Variants in HMGCLL1 observed in about 807,000 individuals in gnomAD.
The protein encoded by HMGCLL1 is 3-hydroxy-3-methylglutaryl-CoA lyase like 1.
A neutral mutation model predicts 39.1 loss-of-function variants in HMGCLL1; 36 were observed. The ratio of observed to expected loss-of-function variants is 0.92; its 90% CI spans 0.71 to 1.22. HMGCLL1 has a LOEUF of 1.22. Among genes scored for constraint, HMGCLL1 ranks in the 50% most tolerant of loss-of-function variants. The pLI, the probability that HMGCLL1 is intolerant of heterozygous loss-of-function variation, is 0.00. For synonymous variants in HMGCLL1, 149 were observed against 144.0 expected (o/e 1.03, Z -0.25); for missense variants, 451 against 416.5 (o/e 1.08, Z -0.72).
intron 1 of HMGCLL1, among the ~76,000 whole-genome samples, chr6:55,556,930 C>T (rs577474104): frequency 6.6e-6 from 1 of 152,148 alleles, no homozygotes; most frequent in Non-Finnish European, 1.5e-5. Context: ...AGTCAGAATA[C>T]TTACGAGAGG....
At chr6:55,665,331 T>G in the HMGCLL1 span, among the ~76,000 whole-genome samples, 1 of 151,762 alleles carries the variant, frequency 6.6e-6, no homozygotes, top group African/African-American at 2.4e-5. Flanking sequence ...CATGATTTTA[T>G]CCCAAATAAG....
At chr6:55,538,855 C>CAT (rs1554153661) in intron 3 of HMGCLL1, among the ~76,000 whole-genome samples, 3,833 of 151,434 alleles carry the variant, frequency 0.025, 146 homozygotes, top group African/African-American at 0.085. Flanking sequence ...CACACACACA[C>CAT]TATAAACAGC....
intron 3 of HMGCLL1, among the ~76,000 whole-genome samples, chr6:55,534,373 C>T (rs573944028): frequency 2.6e-5 from 4 of 152,222 alleles, no homozygotes; most frequent in Non-Finnish European, 4.4e-5. Flanking sequence ...CCTTTTGAAA[C>T]TCGGTGGGCT....
the HMGCLL1 span, among the ~76,000 whole-genome samples, chr6:55,597,858 G>A: frequency 2.6e-5 from 4 of 152,074 alleles, no homozygotes; most frequent in African/African-American, 9.7e-5. Flanking sequence ...AGCTTGGTAA[G>A]ACAAAGAAAT....
the HMGCLL1 span, among the ~76,000 whole-genome samples, chr6:55,604,178 T>G: frequency 6.6e-6 from 1 of 152,142 alleles, no homozygotes. Context: ...CCCTAGTGAA[T>G]GTTTTATCTA....
At chr6:55,545,978 G>A (rs2127461486) in intron 1 of HMGCLL1, among the ~76,000 whole-genome samples, 1 of 152,124 alleles carries the variant, frequency 6.6e-6, no homozygotes, top group Admixed American at 6.6e-5. Flanking sequence ...GCTGCACTTG[G>A]GGAACCTCAG....
At chr6:55,532,787 C>A (rs9382503) in intron 3 of HMGCLL1, among the ~76,000 whole-genome samples, 96,496 of 147,938 alleles carry the variant, frequency 0.65, 31,682 homozygotes, top group Admixed American at 0.71. Flanking sequence ...GGCAACAAAG[C>A]AAGACTCTGT....
At chr6:55,565,906 A>ATG (rs1771188000) in intron 1 of HMGCLL1, among the ~76,000 whole-genome samples, 1 of 150,290 alleles carries the variant, frequency 6.7e-6, no homozygotes, top group Non-Finnish European at 1.5e-5. Flanking sequence ...AGAGTTCTAA[A>ATG]TTACTCTCAG....
At chr6:55,673,737 C>A in the HMGCLL1 span, among the ~76,000 whole-genome samples, 1 of 151,848 alleles carries the variant, frequency 6.6e-6, no homozygotes, top group Non-Finnish European at 1.5e-5. Flanking sequence ...ATAATTGCAA[C>A]ACTAGTATTA....
intron 6 of HMGCLL1, 105 bp downstream of exon 6, chr6:55,499,131 C>T: frequency 2.4e-6 from 2 of 832,176 alleles, no homozygotes; most frequent in South Asian, 3.9e-5. Flanking sequence ...CCTCTTAATC[C>T]ATGGCTTCAT....
At chr6:55,459,881 C>A (rs1448648304) in intron 7 of HMGCLL1, among the ~76,000 whole-genome samples, 1 of 151,746 alleles carries the variant, frequency 6.6e-6, no homozygotes, top group East Asian at 1.9e-4. Context: ...GGCTATATAA[C>A]TCTGTATATG....
At chr6:55,539,145 T>A (rs1344803028) in intron 3 of HMGCLL1, among the ~76,000 whole-genome samples, 3 of 152,294 alleles carry the variant, frequency 2.0e-5, no homozygotes, top group Non-Finnish European at 4.4e-5. Context: ...ACAGTTAATT[T>A]AGCAGTAGCT....
the HMGCLL1 span, among the ~76,000 whole-genome samples, chr6:55,650,076 TACACACAC>T: frequency 5.9e-4 from 57 of 97,008 alleles, 1 homozygote; most frequent in African/African-American, 1.2e-3. Flanking sequence ...TATATATATA[TACACACAC>T]ATATACATAT....
intron 7 of HMGCLL1, among the ~76,000 whole-genome samples, chr6:55,480,814 G>A (rs994954972): frequency 6.7e-6 from 1 of 148,222 alleles, no homozygotes; most frequent in African/African-American, 2.6e-5. Context: ...AAAAGAATGA[G>A]ATCCCGTTAT....
intron 7 of HMGCLL1, among the ~76,000 whole-genome samples, chr6:55,441,917 C>G (rs1222954752): frequency 1.3e-5 from 2 of 152,010 alleles, no homozygotes; most frequent in East Asian, 1.9e-4. Context: ...CCTCAAACTC[C>G]TAACCTCAAG....
intron 1 of HMGCLL1, among the ~76,000 whole-genome samples, 168 bp downstream of exon 1, chr6:55,578,780 C>T (rs1346890465): frequency 6.6e-6 from 1 of 152,042 alleles, no homozygotes; most frequent in Non-Finnish European, 1.5e-5. Flanking sequence ...AGAGAGATAA[C>T]GGGAAACCGT....
intron 7 of HMGCLL1, among the ~76,000 whole-genome samples, chr6:55,465,728 A>G (rs1331700156): frequency 6.6e-6 from 1 of 152,046 alleles, no homozygotes; most frequent in Non-Finnish European, 1.5e-5. Context: ...CTAATCTGGT[A>G]ACGTTCTGAC....
chr6:55,633,848 A>T, the HMGCLL1 span, among the ~76,000 whole-genome samples: 2 of 152,128 alleles, frequency 1.3e-5, no homozygotes, highest in African/African-American at 4.8e-5. Context: ...TAAAGAATAG[A>T]TATGAGAAAG....
chr6:55,584,336 T>C, the HMGCLL1 span, among the ~76,000 whole-genome samples: 1 of 152,160 alleles, frequency 6.6e-6, no homozygotes, highest in Non-Finnish European at 1.5e-5. Context: ...GAACACTGGA[T>C]TTAACTCAGA....
Sources: gnomAD v4.1 joint callset for allele counts (sites outside exome capture counted in the v4.1 genomes callset) on GRCh38, gnomAD v4.1.1 for gene constraint, MANE v1.5 for transcripts, NCBI Gene and HGNC (gene_info 2026-07-23, HGNC 2026-07-21) for gene names.